Variants in AIFM2 observed in about 807,000 individuals in gnomAD.
The protein encoded by AIFM2 is AIF family member 2, ferroptosis suppressor, also known as ferroptosis suppressor protein 1.
Under a neutral mutation model 35.7 loss-of-function variants are expected in AIFM2, and 38 were observed. The ratio of observed to expected loss-of-function variants is 1.06; its 90% confidence interval spans 0.82 to 1.39. AIFM2 has a LOEUF of 1.39. Among genes scored for constraint, AIFM2 ranks in the 40% most tolerant of loss-of-function variants. AIFM2 has a pLI of 0.00. For synonymous variants in AIFM2, 185 were observed against 203.5 expected, an observed-to-expected ratio of 0.91 and a Z score of 0.77; for missense variants, 476 against 491.2, an observed-to-expected ratio of 0.97 and a Z score of 0.29.
chr10:70,128,175 T>C (rs1444598655), intron 1 of AIFM2, among the ~76,000 whole-genome samples: 1 of 152,212 alleles, frequency 6.6e-6, no homozygotes, highest in Non-Finnish European at 1.5e-5. Context: ...AAAATGCACG[T>C]ATGGAATTAG....
At chr10:70,120,716 T>C in intron 4 of AIFM2, 117 bp from the exon 5 acceptor site, 4 of 1,163,948 alleles carry the variant, frequency 3.4e-6, no homozygotes, top group Non-Finnish European at 5.1e-6. Context: ...GAGAACCCTT[T>C]CCACATTTTG....
At chr10:70,125,435 TACAA>T (rs1196830994) in intron 1 of AIFM2, among the ~76,000 whole-genome samples, 13 of 25,784 alleles carry the variant, frequency 5.0e-4, no homozygotes, top group African/African-American at 1.6e-3. Flanking sequence ...ACTCTGTCTC[TACAA>T]AAAAAAAAAA....
chr10:70,121,050 C>T (rs1164298231), intron 4 of AIFM2, 42 bp downstream of exon 4: 1 of 1,593,328 alleles, frequency 6.3e-7, no homozygotes, highest in Non-Finnish European at 8.5e-7. Flanking sequence ...GGCTGTCCTT[C>T]CATCTGCCCA....
Position 70,123,958 on chromosome 10 carries a change from T to C in AIFM2, c.127A>G (p.Lys43Glu), listed in dbSNP as rs369202314. Reference sequence around the variant, plus strand: ...GCCACATTGTGGTGGAAGGAGTCCTTCATGTCCACCAGCATGAAGGGGACG... The same window carrying C: ...GCCACATTGTGGTGGAAGGAGTCCTCCATGTCCACCAGCATGAAGGGGACG... ...LNVPFMLVDM[K>E]DSFHHNVAAL... The change falls in exon 2 of 9, where the codon AAG becomes GAG. Residue 43 changes from lysine to glutamate, a missense_variant. Physicochemically the swap from Lys to Glu is moderately conservative, Grantham distance 56. Transcript: ENST00000307864. 5 of 1,610,988 alleles carry C rather than the reference T, an allele frequency of 3.1e-6. No homozygotes were observed. In the African/African-American group the frequency reaches 6.7e-5, roughly 22 times the overall value.
At position 70,124,067 on chromosome 10, in the gene AIFM2, C is replaced by T. The variant is rs560679086; in HGVS notation, c.18G>A (p.Ser6=). The T allele has an allele frequency of 4.1e-5, 64 of 1,563,706 alleles. No individual in the cohort carries two copies. The highest frequency in any genetic ancestry group is 4.7e-5 in the Non-Finnish European group (54 of 1,152,204). Residue 6 remains serine, a synonymous_variant, in exon 2 of 9, where the codon TCG becomes TCA. Transcript: ENST00000307864. The part of the protein sequence containing the change: MGSQV[S]VESGALHVVI... The stretch of plus-strand genomic sequence containing the variant: ...CCACGTGCAGAGCTCCCGATTCCAC[C>T]GAGACCTGGGACCCCATCTCAAATC...
intron 4 of AIFM2, 98 bp downstream of exon 4, chr10:70,120,994 C>G (rs187531586): frequency 1.3e-6 from 2 of 1,513,556 alleles, no homozygotes; most frequent in Non-Finnish European, 1.8e-6. Context: ...GCCAGCAGCT[C>G]TGAGTAACCC....
chr10:70,119,189 C>A (rs556227984), intron 5 of AIFM2, among the ~76,000 whole-genome samples: 1 of 152,254 alleles, frequency 6.6e-6, no homozygotes, highest in African/African-American at 2.4e-5. Context: ...TGTGCCCCTT[C>A]ATCTGAATGT....
chr10:70,121,315 C>T (rs1319676080), intron 3 of AIFM2, 104 bp from the exon 4 acceptor site: 63 of 1,403,140 alleles, frequency 4.5e-5, no homozygotes, highest in African/African-American at 8.8e-5. Flanking sequence ...GCCTGCCAGC[C>T]GGGACAAACC....
At position 70,117,981 on chromosome 10, in the gene AIFM2, T is replaced by G. The variant is rs972394293; in HGVS notation, c.508-61A>C. On this transcript the variant is annotated intron_variant, in intron 5 of 8. Transcript: ENST00000307864. The surrounding 1 kb of genome is among the most constrained non-coding windows in gnomAD (Gnocchi z 4.7). ...CCCCCAAGTCTTCAAACACAATCAT[T>G]GCACGAACGTCCACCTCCACTCATA... The G allele has an allele frequency of 9.5e-5, 115 of 1,212,044 alleles. No individual in the cohort carries two copies. Among genetic ancestry groups the G allele is most frequent in the Non-Finnish European group, 1.2e-4 (103 of 829,864 alleles). 75.1% of individuals were successfully genotyped at this position (1,212,044 alleles called of 1,614,324 possible). A position where few individuals can be genotyped will look rare whatever the true frequency, so the allele number is the denominator to read the frequency against.
At chr10:70,128,674 T>C (rs1451945136) in intron 1 of AIFM2, among the ~76,000 whole-genome samples, 1 of 152,166 alleles carries the variant, frequency 6.6e-6, no homozygotes, top group African/African-American at 2.4e-5. Context: ...GTGAATGACG[T>C]TTTTATACAA....
Position 70,114,308 on chromosome 10 carries a change from G to A in AIFM2, c.992C>T (p.Ser331Phe). 6.2e-7 allele frequency: 1 copy of A among 1,613,936 alleles called. No individual in the cohort carries two copies. The change falls in exon 9 of 9, where the codon TCC becomes TTC. Residue 331 changes from serine to phenylalanine, a missense_variant. Ser to Phe is a radical substitution (Grantham distance 155). Transcript: ENST00000307864. ...YKPGALTFLL[S>F]MGRNDGVGQI... ...GCCCACACCGTCATTTCTCCCCATG[G>A]ACAGGAGGAACGTCAGTGCACCTGC... is the stretch of plus-strand genomic sequence containing the variant.
chr10:70,116,384 AG>A, intron 7 of AIFM2, among the ~76,000 whole-genome samples: 1 of 152,152 alleles, frequency 6.6e-6, no homozygotes, highest in East Asian at 1.9e-4. Flanking sequence ...TCTTACCACT[AG>A]GGGGCGGCCC....
intron 5 of AIFM2, among the ~76,000 whole-genome samples, chr10:70,119,395 G>A (rs544359457): frequency 2.8e-4 from 42 of 152,256 alleles, no homozygotes; most frequent in African/African-American, 8.9e-4. Flanking sequence ...GTTTGAAGTC[G>A]GGGCAGGATC....
intron 4 of AIFM2, 105 bp from the exon 5 acceptor site, chr10:70,120,704 C>G: frequency 8.0e-7 from 1 of 1,247,756 alleles, no homozygotes; most frequent in South Asian, 1.2e-5. Context: ...CAAAGGAGGG[C>G]AGAGAACCCT....
rs779480979 is a variant in AIFM2, at chr10:70,124,063, C to A, written c.22G>T (p.Glu8Ter). Residue 8 changes from glutamate (E) to a stop codon, truncating the protein, a stop_gained, in exon 2 of 9, where the codon GAA becomes TAA. Coordinates refer to ENST00000307864, the MANE Select transcript of AIFM2 (RefSeq NM_032797.6). LOFTEE classifies it high-confidence loss of function. ...ATCACCACGTGCAGAGCTCCCGATT[C>A]CACCGAGACCTGGGACCCCATCTCA... MGSQVSV[E>*]SGALHVVIVG... 2.5e-6 allele frequency: 4 copies of A among 1,569,700 alleles called. No individual in the cohort carries two copies. The Admixed American group carries it at 7.4e-5, about 29-fold the overall frequency.
At chr10:70,115,254 C>T (rs1406500549) in intron 7 of AIFM2, 134 bp from the exon 8 acceptor site, 1 of 889,408 alleles carries the variant, frequency 1.1e-6, no homozygotes, top group Non-Finnish European at 1.7e-6. Flanking sequence ...CATGACCACC[C>T]CCTGGAGGTG....
At chr10:70,124,184 A>G (rs964308028) in intron 1 of AIFM2, 87 bp from the exon 2 acceptor site, 1 of 1,043,412 alleles carries the variant, frequency 9.6e-7, no homozygotes, top group Non-Finnish European at 1.3e-6. Context: ...CTCGATCATG[A>G]ATTGACCTTT....
rs2072386113 is a variant in AIFM2, at chr10:70,112,513, G to T, written c.*1665C>A. ...GTCCATAAAGAAAGACAGATACTTG[G>T]ATGCAACCACCAGGGGAACAGCCAT... is the stretch of plus-strand genomic sequence containing the variant. On this transcript the variant is annotated 3_prime_UTR_variant, in exon 9 of 9. Transcript: ENST00000307864. 1 of 152,180 alleles carries T rather than the reference G, an allele frequency of 6.6e-6. No homozygotes were observed. Among genetic ancestry groups the T allele is most frequent in the Non-Finnish European group, 1.5e-5 (1 of 68,052 alleles). 9.4% of individuals were successfully genotyped at this position (152,180 alleles called of 1,614,324 possible).
At position 70,117,808 on chromosome 10, in the gene AIFM2, G is replaced by A. The variant is rs369160920; in HGVS notation, c.616+4C>T. The A allele has an allele frequency of 5.0e-5, 80 of 1,602,328 alleles. No individual in the cohort carries two copies. The highest frequency in any genetic ancestry group is 2.7e-4 in the South Asian group (24 of 89,868). On this transcript the variant is annotated splice_donor_region_variant and intron_variant, in intron 6 of 8. Coordinates refer to ENST00000307864, the MANE Select transcript of AIFM2 (RefSeq NM_032797.6). This position sits in a 1 kb window ranked among gnomAD's most constrained non-coding sequence, Gnocchi z 4.7. ...GGCAGGGAGGGAGGTGAGGGTGCAC[G>A]TACTCAGCAGCAGCTGCACGCCCTT...
Sources: gnomAD v4.1 joint callset for allele counts (sites outside exome capture counted in the v4.1 genomes callset) on GRCh38, gnomAD v4.1.1 for gene constraint, Gnocchi (gnomAD v3.1) non-coding constraint, MANE v1.5 for transcripts, NCBI Gene and HGNC (gene_info 2026-07-23, HGNC 2026-07-21) for gene names.